TRPM6: variants seen among roughly 807,000 people sequenced by gnomAD.
The protein encoded by TRPM6 is channel kinase 2.
In TRPM6, 111 loss-of-function variants were observed where a neutral mutation model predicts 247.6. That is an observed-to-expected ratio of 0.45 (90% CI 0.38 to 0.52). The LOEUF is 0.52. Among genes scored for constraint, TRPM6 ranks in the 20% least tolerant of loss-of-function variants. The pLI is 0.00. For missense variants in TRPM6, 2,126 were observed against 2,421.5 expected, an observed-to-expected ratio of 0.88 and a Z score of 2.56; for synonymous variants, 892 against 853.8, an observed-to-expected ratio of 1.04 and a Z score of -0.78.
At chr9:74,797,397 G>A (rs1279125799) in intron 17 of TRPM6, among the ~76,000 whole-genome samples, 1 of 152,108 alleles carries the variant, frequency 6.6e-6, no homozygotes, top group African/African-American at 2.4e-5. Flanking sequence ...ACATCAAATG[G>A]TGTTGTATTT....
At chr9:74,753,125 A>AAG (rs1554687622) in intron 28 of TRPM6, among the ~76,000 whole-genome samples, 2 of 151,760 alleles carry the variant, frequency 1.3e-5, no homozygotes, top group Admixed American at 6.6e-5. Context: ...AAAAAAAAAA[A>AAG]AAAAGAAAGG....
chr9:74,821,967 T>C (rs1794355244), intron 7 of TRPM6, 130 bp from the exon 8 acceptor site: 1 of 1,083,178 alleles, frequency 9.2e-7, no homozygotes, highest in African/African-American at 1.5e-5. Flanking sequence ...CCCTCTCTCA[T>C]TTTACCCTGG....
intron 37 of TRPM6, among the ~76,000 whole-genome samples, chr9:74,731,586 A>C (rs1825522656): frequency 6.6e-6 from 1 of 151,636 alleles, no homozygotes; most frequent in South Asian, 2.1e-4. Context: ...TGTTTAGATT[A>C]AATCACTCAG....
intron 19 of TRPM6, among the ~76,000 whole-genome samples, chr9:74,790,342 A>C (rs900879173): frequency 6.6e-6 from 1 of 152,146 alleles, no homozygotes; most frequent in African/African-American, 2.4e-5. Flanking sequence ...AGTTTTTTTG[A>C]TGACTCCTTA....
intron 20 of TRPM6, among the ~76,000 whole-genome samples, chr9:74,786,505 C>T (rs1345629136): frequency 2.0e-5 from 3 of 152,054 alleles, no homozygotes; most frequent in African/African-American, 4.8e-5. Context: ...TTTGGGAGGC[C>T]GAGGCAGGTG....
chr9:74,813,894 C>T (rs901673596), intron 11 of TRPM6, among the ~76,000 whole-genome samples: 6 of 152,226 alleles, frequency 3.9e-5, no homozygotes, highest in Non-Finnish European at 7.4e-5. Context: ...GTCAGGAGTT[C>T]GAAACCAGCC....
At position 74,724,605 on chromosome 9, in the gene TRPM6, C is replaced by T. The variant is rs756432773; in HGVS notation, c.*8G>A. 25 of 1,614,056 alleles carry T rather than the reference C, an allele frequency of 1.5e-5. 1 individual carries two copies. The highest frequency in any genetic ancestry group is 2.2e-5 in the South Asian group (2 of 91,086). ...GGCAAGCACTGGGATCTTCTTGCTC[C>T]TCCCTTTTTATAGTTGCATATCATC... On this transcript the variant is annotated 3_prime_UTR_variant, in exon 39 of 39. Transcript: ENST00000360774.
At chr9:74,829,127 T>C (rs1277228011) in intron 6 of TRPM6, among the ~76,000 whole-genome samples, 2 of 151,912 alleles carry the variant, frequency 1.3e-5, no homozygotes, top group Non-Finnish European at 2.9e-5. Flanking sequence ...ACCCTATCTC[T>C]ACCAAAAATA....
Position 74,810,801 on chromosome 9 carries a change from C to G in TRPM6, c.1497+14G>C, listed in dbSNP as rs1241076760. 2 of 1,612,834 alleles carry G rather than the reference C, an allele frequency of 1.2e-6. No individual in the cohort carries two copies. The highest frequency in any genetic ancestry group is 2.7e-5 in the African/African-American group (2 of 75,020). On this transcript the variant is annotated intron_variant, in intron 13 of 38. Transcript: ENST00000360774. ...ATACACAAAGACATGTTCACGCCTT[C>G]TTAATTAGGTTACCTGTTTCACATC...
In TRPM6 at chr9:74,801,893, C is replaced by T. The variant is rs762841992; in HGVS notation, c.2009+5G>A. On this transcript the variant is annotated splice_donor_5th_base_variant and intron_variant, in intron 16 of 38. Transcript: ENST00000360774. The stretch of plus-strand genomic sequence containing the variant: ...TTTAGTATGAAGTGAAGAGAGAACA[C>T]TTACTTTGAGTAATTCTTCAACTCT... 3.7e-6 allele frequency: 6 copies of T among 1,613,970 alleles called. No individual in the cohort carries two copies. Among genetic ancestry groups the T allele is most frequent in the Non-Finnish European group, 4.2e-6 (5 of 1,179,998 alleles).
Position 74,834,120 on chromosome 9 carries a change from C to A in TRPM6, c.547G>T (p.Val183Leu), listed in dbSNP as rs1266769492. 2.5e-6 allele frequency: 4 copies of A among 1,613,884 alleles called. No individual in the cohort carries two copies. In the South Asian group the frequency reaches 4.4e-5, roughly 18 times the overall value. ...WIITEGINTG[V>L]SKHVGDALKS... Reference sequence around the variant, plus strand: ...AAGGCATCCCCAACATGCTTGGACACTCCTATGAACAACCAGTTTAGAAGT... The same window carrying A: ...AAGGCATCCCCAACATGCTTGGACAATCCTATGAACAACCAGTTTAGAAGT... The change falls in exon 6 of 39, where the codon GTG (valine) becomes TTG (leucine). Residue 183 changes from valine (V) to leucine (L), a missense_variant and splice_region_variant. Val to Leu is a conservative substitution (Grantham distance 32). Coordinates refer to ENST00000360774, the MANE Select transcript of TRPM6 (RefSeq NM_017662.5).
chr9:74,887,466 C>T, intron 1 of TRPM6: 1 of 1,019,242 alleles, frequency 9.8e-7, no homozygotes, highest in East Asian at 2.7e-5. Flanking sequence ...TCCCTCCGGC[C>T]CGGAGCGGAA....
At chr9:74,865,786 A>C (rs903470071) in intron 1 of TRPM6, among the ~76,000 whole-genome samples, 1 of 152,184 alleles carries the variant, frequency 6.6e-6, no homozygotes, top group Non-Finnish European at 1.5e-5. Context: ...TTTAATACAG[A>C]GTCTTGCTAT....
chr9:74,833,007 C>A (rs563533753), intron 6 of TRPM6, among the ~76,000 whole-genome samples: 1 of 151,396 alleles, frequency 6.6e-6, no homozygotes, highest in African/African-American at 2.4e-5. Flanking sequence ...GCCAAGACTG[C>A]GCCACTACAC....
intron 31 of TRPM6, among the ~76,000 whole-genome samples, chr9:74,746,941 G>A (rs1826069260): frequency 6.6e-6 from 1 of 151,942 alleles, no homozygotes; most frequent in Admixed American, 6.6e-5. Flanking sequence ...TTGCACGAAG[G>A]AACAAGAGGC....
chr9:74,736,051 G>C (rs1399096944), intron 36 of TRPM6, among the ~76,000 whole-genome samples: 1 of 152,212 alleles, frequency 6.6e-6, no homozygotes. Flanking sequence ...CGGACTCCCT[G>C]CAACTGCAGA....
At chr9:74,827,645 G>A (rs566607161) in intron 7 of TRPM6, 133 bp downstream of exon 7, 1 of 878,650 alleles carries the variant, frequency 1.1e-6, no homozygotes, top group South Asian at 1.3e-5. Flanking sequence ...TGTGGGAAGG[G>A]GGGTGGCTGA....
intron 20 of TRPM6, 30 bp from the exon 21 acceptor site, chr9:74,786,155 A>C: frequency 1.2e-6 from 2 of 1,613,282 alleles, no homozygotes; most frequent in Non-Finnish European, 1.7e-6. Flanking sequence ...AACTTTAAAA[A>C]GGAGGTACAA....
intron 3 of TRPM6, 42 bp downstream of exon 3, chr9:74,855,485 G>T (rs781405111): frequency 7.0e-7 from 1 of 1,435,114 alleles, no homozygotes; most frequent in Non-Finnish European, 9.8e-7. Flanking sequence ...TTTAAATAGG[G>T]TGCCTAAAAG....
Sources: allele counts gnomAD v4.1 joint callset (sites outside exome capture counted in the v4.1 genomes callset), GRCh38; gene constraint gnomAD v4.1.1; transcripts MANE v1.5; gene names NCBI Gene and HGNC (gene_info 2026-07-23, HGNC 2026-07-21).